Variants in DCLRE1C observed in about 807,000 individuals in gnomAD.
DCLRE1C encodes DNA cross-link repair 1C.
Under a neutral mutation model 61.4 loss-of-function variants are expected in DCLRE1C, and 47 were observed. That is an observed-to-expected ratio of 0.77 (90% CI 0.61 to 0.98). The LOEUF (loss-of-function observed/expected upper bound fraction) is 0.98, where lower values mean the gene tolerates loss of function less well. Among genes scored for constraint, DCLRE1C ranks in the 50% least tolerant of loss-of-function variants. The probability of loss-of-function intolerance (pLI) is 0.00; values close to 1 mark genes in which losing one functional copy is unlikely to be tolerated. For missense variants in DCLRE1C, 858 were observed against 816.0 expected, an observed-to-expected ratio of 1.05 and a Z score of -0.63; for synonymous variants, 337 against 287.6, an observed-to-expected ratio of 1.17 and a Z score of -1.74.
intron 1 of DCLRE1C, among the ~76,000 whole-genome samples, chr10:14,951,254 G>A (rs969234164): frequency 6.6e-6 from 1 of 151,878 alleles, no homozygotes; most frequent in African/African-American, 2.4e-5. Context: ...GATGGTGCAT[G>A]TCTGTAATCC....
At chr10:14,932,622 T>C (rs1839211562) in intron 9 of DCLRE1C, among the ~76,000 whole-genome samples, 1 of 151,464 alleles carries the variant, frequency 6.6e-6, no homozygotes, top group Non-Finnish European at 1.5e-5. Context: ...GGCGACAGAG[T>C]GAGACTCCAT....
Position 14,906,336 on chromosome 10 carries a change from G to A in DCLRE1C, c.*2072C>T, listed in dbSNP as rs1227355710. On this transcript the variant is annotated 3_prime_UTR_variant, in exon 14 of 14. Coordinates refer to ENST00000378278, the MANE Select transcript of DCLRE1C (RefSeq NM_001033855.3). Reference sequence around the variant, plus strand: ...AATATAATTTCTGGTAATCACTATCGGTTTCTTGATCACATCTGTTGTAGT... The same window carrying A: ...AATATAATTTCTGGTAATCACTATCAGTTTCTTGATCACATCTGTTGTAGT... 6.6e-6 allele frequency among the ~76,000 whole-genome samples: 1 copy of A among 152,142 alleles called. No individual in the cohort carries two copies. Among genetic ancestry groups the A allele is most frequent in the Non-Finnish European group, 1.5e-5 (1 of 68,020 alleles).
At chr10:14,939,921 T>C in intron 3 of DCLRE1C, 52 bp from the exon 4 acceptor site, 1 of 1,404,726 alleles carries the variant, frequency 7.1e-7, no homozygotes, top group South Asian at 1.2e-5. Flanking sequence ...CATGGCTTTA[T>C]ATGCCTTTGC....
rs1401943397 is a variant in DCLRE1C, at chr10:14,939,846, A to G, written c.270T>C (p.Pro90=). 6.3e-7 allele frequency: 1 copy of G among 1,597,756 alleles called. No homozygotes were observed. Among genetic ancestry groups the G allele is most frequent in the Non-Finnish European group, 8.6e-7 (1 of 1,166,468 alleles). The change falls in exon 4 of 14, where the codon CCT becomes CCC. Residue 90 remains proline, a synonymous_variant. Transcript: ENST00000378278. Reference sequence around the variant, plus strand: ...CTTCATCCACTAAAGATATCTGGGTAGGAGTCTCGATTTCAATAGATATCT... The same window carrying G: ...CTTCATCCACTAAAGATATCTGGGTGGGAGTCTCGATTTCAATAGATATCT... ...KRIISIEIET[P]TQISLVDEAS...
intron 13 of DCLRE1C, among the ~76,000 whole-genome samples, chr10:14,911,487 G>C (rs944220930): frequency 4.6e-5 from 7 of 152,100 alleles, no homozygotes; most frequent in African/African-American, 1.4e-4. Context: ...CAAATTATCA[G>C]AAATTCAAGA....
chr10:14,901,341 A>G (rs1020630576), downstream of DCLRE1C: 1 of 1,569,588 alleles, frequency 6.4e-7, no homozygotes, highest in Non-Finnish European at 8.7e-7. Context: ...GACCTTAGAT[A>G]TTTGAACCAA....
At chr10:14,944,551 G>A (rs536569512) in intron 3 of DCLRE1C, among the ~76,000 whole-genome samples, 16 of 151,746 alleles carry the variant, frequency 1.1e-4, no homozygotes, top group African/African-American at 3.9e-4. Context: ...GGGTCAATGA[G>A]ATTAAGCAAA....
At chr10:14,914,975 A>G (rs1389609811) in intron 13 of DCLRE1C, among the ~76,000 whole-genome samples, 1 of 152,060 alleles carries the variant, frequency 6.6e-6, no homozygotes, top group Non-Finnish European at 1.5e-5. Context: ...TATGTTCTCT[A>G]ACCACAATAA....
chr10:14,921,338 C>T (rs545042267), intron 12 of DCLRE1C, among the ~76,000 whole-genome samples: 4 of 151,624 alleles, frequency 2.6e-5, no homozygotes, highest in Admixed American at 2.6e-4. Context: ...AAAAAAAAAA[C>T]AAGCACCTGA....
At chr10:14,897,688 A>G in exon 14 of DCLRE1C, 1 of 520,604 alleles carries the variant, frequency 1.9e-6, no homozygotes, top group Non-Finnish European at 3.0e-6. Flanking sequence ...ATTTAGAAAT[A>G]AAAAACTTTT....
chr10:14,948,629 C>T (rs976443385), intron 2 of DCLRE1C, among the ~76,000 whole-genome samples: 9 of 151,882 alleles, frequency 5.9e-5, no homozygotes, highest in African/African-American at 1.7e-4. Flanking sequence ...TAATGCCAGC[C>T]CTTTGGAAGA....
In DCLRE1C at chr10:14,908,570, A is replaced by G; in HGVS notation, c.1917T>C (p.Leu639=). Residue 639 remains leucine (L), a synonymous_variant, in exon 14 of 14, where the codon CTT becomes CTC. Transcript: ENST00000378278. The part of the protein sequence containing the change: ...HIPEEKSLLN[L]STNADSQSSS... ...AGCTCTGGGAATCTGCATTTGTGCT[A>G]AGATTTAGCAAACTTTTTTCCTCGG... 1 of 1,614,188 alleles carries G rather than the reference A, an allele frequency of 6.2e-7. No homozygotes were observed. The highest frequency in any genetic ancestry group is 2.2e-5 in the East Asian group (1 of 44,866).
rs200693133 is a variant in DCLRE1C at position 14,908,497 on chromosome 10, G to C, written c.1990C>G (p.Arg664Gly). Residue 664 changes from arginine (R) to glycine (G), a missense_variant, in exon 14 of 14, where the codon CGA becomes GGA. Coordinates refer to ENST00000378278, the MANE Select transcript of DCLRE1C (RefSeq NM_001033855.3). ...PSTPEAELPK[R>G]EHLQYLYEKL... ...TCATATAAATATTGTAAATGCTCTC[G>C]TTTAGGTAACTCAGCTTCTGGAGTT... The C allele has an allele frequency of 1.2e-6, 2 of 1,613,974 alleles. No homozygotes were observed. The highest frequency in any genetic ancestry group is 1.3e-5 in the African/African-American group (1 of 74,992).
chr10:14,937,854 A>G (rs1223600382), intron 4 of DCLRE1C, among the ~76,000 whole-genome samples: 2 of 148,410 alleles, frequency 1.3e-5, no homozygotes, highest in Non-Finnish European at 3.0e-5. Context: ...AGATCGCCCT[A>G]CTGCACTCCA....
chr10:14,919,798 C>T lies in DCLRE1C; in HGVS notation c.1096G>A (p.Glu366Lys), dbSNP rs750922025. 4 of 1,613,794 alleles carry T rather than the reference C, an allele frequency of 2.5e-6. No homozygotes were observed. Among genetic ancestry groups the T allele is most frequent in the East Asian group, 2.2e-5 (1 of 44,884 alleles). ...TTTCCCAGTGGTTTATACTTTGGCT[C>T]CGTACTTTGGGAAGACCGGCATAAA... ...KPLCRSSQST[E>K]PKYKPLGKLK... Residue 366 changes from glutamate to lysine, a missense_variant, in exon 13 of 14, where the codon GAG becomes AAG. By Grantham distance (56) the Glu-to-Lys change is moderately conservative. Coordinates refer to ENST00000378278, the MANE Select transcript of DCLRE1C (RefSeq NM_001033855.3).
At chr10:14,949,522 A>G (rs1842151160) in intron 1 of DCLRE1C, among the ~76,000 whole-genome samples, 2 of 152,184 alleles carry the variant, frequency 1.3e-5, no homozygotes, top group Non-Finnish European at 2.9e-5. Flanking sequence ...GAAATCACTC[A>G]GGTTCAGAGT....
In DCLRE1C at chr10:14,899,379, CTT is replaced by C. The variant is rs1833836317; in HGVS notation, c.1157-69_1157-68del. 5.1e-6 allele frequency: 4 copies of C among 778,184 alleles called. No individual in the cohort carries two copies. The African/African-American group carries it at 6.9e-5, about 13-fold the overall frequency. The allele number at this position is 778,184 out of a possible 1,614,324, so 48.2% of individuals were successfully genotyped here. ...TTTTCTTCCCCTCATTTTCCCACCT[CTT>C]TGCATCTGAGTCTTAGTTTGTGTGA... is the stretch of plus-strand genomic sequence containing the variant. On this transcript the variant is annotated intron_variant, in intron 13 of 13. Transcript: ENST00000378289.
chr10:14,932,818 C>T, intron 9 of DCLRE1C, 36 bp downstream of exon 9: 1 of 1,609,476 alleles, frequency 6.2e-7, no homozygotes, highest in Non-Finnish European at 8.5e-7. Context: ...TCATAGATTA[C>T]ACAAACAATA....
At chr10:14,902,133 A>T (rs1196326863), downstream of DCLRE1C, among the ~76,000 whole-genome samples, 1 of 152,208 alleles carries the variant, frequency 6.6e-6, no homozygotes, top group African/African-American at 2.4e-5. Flanking sequence ...CTTTCTGACA[A>T]ATATGGGCTA....
Sources: allele counts gnomAD v4.1 joint callset (sites outside exome capture counted in the v4.1 genomes callset), GRCh38; gene constraint gnomAD v4.1.1; transcripts MANE v1.5; gene names NCBI Gene and HGNC (gene_info 2026-07-23, HGNC 2026-07-21).